VGLL4: variants seen among roughly 807,000 people sequenced by gnomAD.
VGLL4 encodes the protein vestigial like family member 4.
VGLL4 carries 7 observed loss-of-function variants against 21.0 expected under a neutral mutation model. The observed-to-expected ratio is 0.33, with a 90% CI of 0.19 to 0.63. The LOEUF is 0.63. Among genes scored for constraint, VGLL4 ranks in the 20% least tolerant of loss-of-function variants. The pLI, the probability that VGLL4 is intolerant of heterozygous loss-of-function variation, is 0.78. For synonymous variants in VGLL4, 222 were observed against 173.2 expected (o/e 1.28, Z -2.21); for missense variants, 394 against 425.7 (o/e 0.93, Z 0.66).
intron 2 of VGLL4, among the ~76,000 whole-genome samples, chr3:11,573,176 G>C (rs1198568250): frequency 1.3e-5 from 2 of 150,438 alleles, no homozygotes; most frequent in African/African-American, 4.9e-5. Context: ...AAGAAAGAAA[G>C]ACAGACAGAC....
At chr3:11,615,205 CCTGT>C (rs1218544320) in intron 1 of VGLL4, among the ~76,000 whole-genome samples, 1 of 152,138 alleles carries the variant, frequency 6.6e-6, no homozygotes, top group Non-Finnish European at 1.5e-5. Context: ...CCCGAACTGA[CCTGT>C]CTCTTTTTTG....
At chr3:11,594,026 T>C (rs2074572790) in intron 2 of VGLL4, among the ~76,000 whole-genome samples, 1 of 152,228 alleles carries the variant, frequency 6.6e-6, no homozygotes, top group South Asian at 2.1e-4. Flanking sequence ...AAAGAGAGGA[T>C]GCCTGCTCCA....
At chr3:11,588,270 C>G (rs1224658700) in intron 2 of VGLL4, among the ~76,000 whole-genome samples, 1 of 152,162 alleles carries the variant, frequency 6.6e-6, no homozygotes, top group Non-Finnish European at 1.5e-5. Flanking sequence ...AACTTGTAGA[C>G]CAGGGAAGGG....
rs1228813940 is a variant in VGLL4, at chr3:11,709,435, T to TCAAAAAAAAAAAAAA, written c.-13-6389_-13-6388insTTTTTTTTTTTTTTG. On this transcript the variant is annotated intron_variant, in intron 1 of 5. Transcript: ENST00000273038. ...CCAGGGAACAGTGCAAGACTCCGTCTAAAAAAAAAAAAAAAAAAAAAAAAA... is the reference window on the plus strand; with the variant it reads ...CCAGGGAACAGTGCAAGACTCCGTCTCAAAAAAAAAAAAAAAAAAAAAAAAAAAAAAAAAAAAAAA... Among the ~76,000 whole-genome samples the TCAAAAAAAAAAAAAA allele has an allele frequency of 1.8e-3, 201 of 108,834 alleles. 6 individuals are homozygous for TCAAAAAAAAAAAAAA. Among genetic ancestry groups the TCAAAAAAAAAAAAAA allele is most frequent in the African/African-American group, 6.4e-3 (191 of 29,874 alleles). 71.4% of individuals were successfully genotyped at this position (108,834 alleles called of 152,430 possible). A position where few individuals can be genotyped will look rare whatever the true frequency, so the allele number is the denominator to read the frequency against.
intron 1 of VGLL4, chr3:11,607,172 T>C (rs1314125086): frequency 6.6e-6 from 1 of 152,180 alleles, no homozygotes; most frequent in Non-Finnish European, 1.5e-5. Context: ...AATAGCTAAA[T>C]AGTGGAAACA....
chr3:11,577,890 T>A (rs1475772247), intron 2 of VGLL4, among the ~76,000 whole-genome samples: 2 of 152,204 alleles, frequency 1.3e-5, no homozygotes, highest in African/African-American at 4.8e-5. Flanking sequence ...TATGTCAACC[T>A]TGCCATGCCC....
At chr3:11,559,632 G>A (rs573468677) in intron 3 of VGLL4, among the ~76,000 whole-genome samples, 177 bp from the exon 4 acceptor site, 17 of 152,336 alleles carry the variant, frequency 1.1e-4, no homozygotes, top group African/African-American at 3.6e-4. Context: ...CAGAGTGAGC[G>A]CAGCTCCAAG....
chr3:11,622,319 AACTC>A (rs1256677037), intron 1 of VGLL4, among the ~76,000 whole-genome samples: 1 of 152,192 alleles, frequency 6.6e-6, no homozygotes, highest in East Asian at 1.9e-4. Context: ...CTGGGTAGCA[AACTC>A]CTGGATAATA....
Position 11,709,447 on chromosome 3 carries a change from A to AAC in VGLL4, c.-13-6401_-13-6400insGT, listed in dbSNP as rs1553747357. Among the ~76,000 whole-genome samples, 447 of 118,830 alleles carry AAC rather than the reference A, an allele frequency of 3.8e-3. 1 individual carries two copies. The highest frequency in any genetic ancestry group is 5.2e-3 in the Non-Finnish European group (308 of 58,792). The allele number at this position is 118,830 out of a possible 152,430, so 78.0% of individuals were successfully genotyped here. On this transcript the variant is annotated intron_variant, in intron 1 of 5. Transcript: ENST00000273038. ...GCAAGACTCCGTCTAAAAAAAAAAA[A>AAC]AAAAAAAAAAAAACAGATACAAAGT... is the stretch of plus-strand genomic sequence containing the variant.
intron 2 of VGLL4, chr3:11,699,548 T>C (rs116085252): frequency 0.07 from 10,624 of 152,250 alleles, 441 homozygotes; most frequent in Middle Eastern, 0.14. Flanking sequence ...AGCTCACACC[T>C]GTAATCACAG....
chr3:11,561,163 T>C (rs2125109660), intron 3 of VGLL4, among the ~76,000 whole-genome samples: 1 of 152,242 alleles, frequency 6.6e-6, no homozygotes, highest in South Asian at 2.1e-4. Context: ...CTCCCTTTTG[T>C]GCTCAGCCGG....
Position 11,573,327 on chromosome 3 carries a change from GAAAGAAAGAAAGAAAGA to G in VGLL4, c.273-8325_273-8309del, listed in dbSNP as rs2073915983. 1.3e-4 allele frequency among the ~76,000 whole-genome samples: 5 copies of G among 39,518 alleles called. No homozygotes were observed. In the East Asian group the frequency reaches 3.3e-3, roughly 26 times the overall value. 25.9% of individuals were successfully genotyped at this position (39,518 alleles called of 152,430 possible). On this transcript the variant is annotated intron_variant, in intron 2 of 4. Transcript: ENST00000430365. ...AGAAAGGAAGGAAGGAAGAAAGAAA[GAAAGAAAGAAAGAAAGA>G]AAGAAAGAAAGAAAGAAAGAAAGAA... is the stretch of plus-strand genomic sequence containing the variant.
rs369864486 is a variant in VGLL4, at chr3:11,666,047, G to A, written c.64+36924C>T. Reference sequence around the variant, plus strand: ...GGGCGGATCACGAGGTCAGGAGATCGAGACCATCCTGGCTAACACAGTGAA... The same window carrying A: ...GGGCGGATCACGAGGTCAGGAGATCAAGACCATCCTGGCTAACACAGTGAA... On this transcript the variant is annotated intron_variant, in intron 2 of 5. Coordinates refer to the VGLL4 transcript ENST00000273038. Among the ~76,000 whole-genome samples the A allele has an allele frequency of 2.0e-4, 31 of 152,156 alleles. No homozygotes were observed. The South Asian group carries it at 6.4e-3, about 32-fold the overall frequency.
At chr3:11,666,883 C>T (rs1013044113) in intron 2 of VGLL4, among the ~76,000 whole-genome samples, 29 of 152,184 alleles carry the variant, frequency 1.9e-4, no homozygotes, top group African/African-American at 6.3e-4. Context: ...CCCTCCACTC[C>T]GGTGTGCATG....
In VGLL4 at chr3:11,643,455, C is replaced by T. The variant is rs1432558518; in HGVS notation, c.64G>A (p.Gly22Ser). 4.3e-6 allele frequency: 7 copies of T among 1,613,840 alleles called. No homozygotes were observed. The highest frequency in any genetic ancestry group is 5.1e-6 in the Non-Finnish European group (6 of 1,179,896). ...CATCTACCTTCGTAGCACAGAATGC[C>T]GATATTGTTGTTCATCTTGTCCAAG... ...QYLDKMNNNI[G>S]ILCYEGEAAL... The change falls in exon 1 of 5, where the codon GGC (glycine) becomes AGC (serine). Residue 22 changes from glycine to serine, a missense_variant. Physicochemically the swap from Gly to Ser is moderately conservative, Grantham distance 56. Coordinates refer to ENST00000430365, the MANE Select transcript of VGLL4 (RefSeq NM_001128219.3).
chr3:11,642,646 G>T (rs932679206), intron 1 of VGLL4, among the ~76,000 whole-genome samples: 1 of 152,222 alleles, frequency 6.6e-6, no homozygotes, highest in Non-Finnish European at 1.5e-5. Flanking sequence ...GATGTCCGAG[G>T]GCTTAAGAAA....
chr3:11,680,844 T>G (rs1024862042), intron 2 of VGLL4, among the ~76,000 whole-genome samples: 1 of 152,168 alleles, frequency 6.6e-6, no homozygotes. Context: ...GCTTCTCACC[T>G]CAGCACTTAG....
At chr3:11,599,669 C>T (rs142482547) in intron 2 of VGLL4, among the ~76,000 whole-genome samples, 5,802 of 128,868 alleles carry the variant, frequency 0.045, 710 homozygotes, top group East Asian at 0.16. Context: ...CAGGCATGCA[C>T]CACCACACCC....
chr3:11,685,074 T>C (rs1265478088), intron 2 of VGLL4, among the ~76,000 whole-genome samples: 2 of 152,136 alleles, frequency 1.3e-5, no homozygotes, highest in Non-Finnish European at 2.9e-5. Context: ...TAAGTGAGAA[T>C]GTGAGGTATT....
Sources: gnomAD v4.1 joint callset for allele counts (sites outside exome capture counted in the v4.1 genomes callset) on GRCh38, gnomAD v4.1.1 for gene constraint, MANE v1.5 for transcripts, NCBI Gene and HGNC (gene_info 2026-07-23, HGNC 2026-07-21) for gene names.